The following GFRA2 variants were observed in gnomAD, a reference collection of about 807,000 sequenced individuals.
GFRA2 encodes GDNF family receptor alpha 2.
In GFRA2, 17 loss-of-function variants were observed where a neutral mutation model predicts 48.3. That is an observed-to-expected ratio of 0.35 (90% CI 0.24 to 0.53). The LOEUF is 0.53. Among genes scored for constraint, GFRA2 ranks in the 20% least tolerant of loss-of-function variants. The pLI is 0.93. For synonymous variants in GFRA2, 305 were observed against 257.2 expected (o/e 1.19, Z -1.78); for missense variants, 660 against 637.3 (o/e 1.04, Z -0.38).
intron 4 of GFRA2, among the ~76,000 whole-genome samples, chr8:21,725,965 G>A (rs1803850351): frequency 6.6e-6 from 1 of 152,226 alleles, no homozygotes; most frequent in African/African-American, 2.4e-5. Context: ...TGAACGCTGT[G>A]GCTCTCTCCT....
chr8:21,711,726 C>A (rs550691967), intron 4 of GFRA2, among the ~76,000 whole-genome samples: 217 of 139,554 alleles, frequency 1.6e-3, no homozygotes, highest in African/African-American at 6.1e-3. Flanking sequence ...GTGTTTCTCG[C>A]AGAGGGGGAT....
At chr8:21,723,043 AC>A (rs922510785) in intron 4 of GFRA2, among the ~76,000 whole-genome samples, 3 of 152,044 alleles carry the variant, frequency 2.0e-5, no homozygotes, top group African/African-American at 7.2e-5. Context: ...CCGTCTCAAA[AC>A]CTCTGCTGTA....
chr8:21,694,305 C>T (rs1201350008), intron 8 of GFRA2, among the ~76,000 whole-genome samples, 159 bp downstream of exon 8: 1 of 151,832 alleles, frequency 6.6e-6, no homozygotes, highest in East Asian at 1.9e-4. Flanking sequence ...ACTCCCCCAC[C>T]CCACCCCAGC....
At chr8:21,732,458 G>A (rs1178404216) in intron 4 of GFRA2, among the ~76,000 whole-genome samples, 1 of 152,226 alleles carries the variant, frequency 6.6e-6, no homozygotes, top group Non-Finnish European at 1.5e-5. Context: ...TGCGGAGAGG[G>A]GAGGGGGGTA....
intron 4 of GFRA2, among the ~76,000 whole-genome samples, chr8:21,745,549 C>G (rs979408901): frequency 1.8e-4 from 27 of 152,228 alleles, no homozygotes; most frequent in Admixed American, 1.4e-3. Context: ...TTGGGCTCTC[C>G]CATTTTCAGA....
intron 2 of GFRA2, among the ~76,000 whole-genome samples, chr8:21,775,388 G>A (rs1379061143): frequency 6.6e-6 from 1 of 152,208 alleles, no homozygotes; most frequent in Admixed American, 6.5e-5. Context: ...GGGAAGTGGA[G>A]CAATGCTGGC....
chr8:21,725,907 C>G (rs1333802187), intron 4 of GFRA2, among the ~76,000 whole-genome samples: 7 of 152,188 alleles, frequency 4.6e-5, no homozygotes, highest in Non-Finnish European at 8.8e-5. Flanking sequence ...AGCAAGACCC[C>G]AGGATGGGGG....
intron 4 of GFRA2, among the ~76,000 whole-genome samples, chr8:21,724,358 G>A (rs2117459768): frequency 6.6e-6 from 1 of 152,286 alleles, no homozygotes; most frequent in Admixed American, 6.5e-5. Context: ...GTTGAGAAGA[G>A]CAAGCAGATT....
intron 4 of GFRA2, among the ~76,000 whole-genome samples, chr8:21,707,974 T>C (rs184595397): frequency 4.3e-4 from 66 of 152,320 alleles, no homozygotes; most frequent in Non-Finnish European, 7.8e-4. Flanking sequence ...ATTTTATAGA[T>C]GAAGAAGCTG....
At chr8:21,775,334 C>T (rs757014725) in intron 2 of GFRA2, among the ~76,000 whole-genome samples, 1 of 152,344 alleles carries the variant, frequency 6.6e-6, no homozygotes, top group East Asian at 1.9e-4. Context: ...TCGTGACCAC[C>T]CTGCATGGCC....
chr8:21,712,670 G>A (rs1179862958), intron 4 of GFRA2, among the ~76,000 whole-genome samples: 1 of 152,170 alleles, frequency 6.6e-6, no homozygotes, highest in Non-Finnish European at 1.5e-5. Flanking sequence ...GGGAGGTGGA[G>A]GTTGTAGTGA....
Position 21,772,834 on chromosome 8 carries a change from C to A in GFRA2, c.439+2138G>T, listed in dbSNP as rs200466277. On this transcript the variant is annotated intron_variant, in intron 3 of 8. Transcript: ENST00000524240. ...ATTTTCTGCTAGGAAGATACTTAAG[C>A]ATGAGTCCAGGGAGCAGAAGGGGCT... 2.6e-3 allele frequency among the ~76,000 whole-genome samples: 400 copies of A among 152,332 alleles called. 21 individuals are homozygous for A. In the East Asian group the frequency reaches 0.071, roughly 27 times the overall value.
intron 4 of GFRA2, among the ~76,000 whole-genome samples, chr8:21,714,442 G>A (rs568330444): frequency 2.8e-4 from 43 of 151,798 alleles, no homozygotes; most frequent in African/African-American, 1.0e-3. Flanking sequence ...AGTAGAGATA[G>A]GGTTTCGCCA....
rs545281621 is a variant in GFRA2, at chr8:21,762,610, T to G, written c.440-11668A>C. On this transcript the variant is annotated intron_variant, in intron 3 of 8. Coordinates refer to ENST00000524240, the MANE Select transcript of GFRA2 (RefSeq NM_001495.5). ...CACTGAACATCAATTTGAAATAAAA[T>G]CAATTTGGAACCTTTCAAATTGCAT... Among the ~76,000 whole-genome samples, 17 of 152,312 alleles carry G rather than the reference T, an allele frequency of 1.1e-4. No homozygotes were observed. The East Asian group carries it at 2.9e-3, about 26-fold the overall frequency.
intron 1 of GFRA2, among the ~76,000 whole-genome samples, chr8:21,807,239 C>T (rs1186456480): frequency 1.3e-5 from 2 of 152,158 alleles, no homozygotes; most frequent in Non-Finnish European, 2.9e-5. Context: ...AGACAGTGGG[C>T]TCATTACTGC....
At chr8:21,748,016 C>T (rs1171341226) in intron 4 of GFRA2, among the ~76,000 whole-genome samples, 1 of 152,144 alleles carries the variant, frequency 6.6e-6, no homozygotes, top group East Asian at 1.9e-4. Context: ...TCGCTCCAAG[C>T]CTTATCACTT....
At position 21,804,045 on chromosome 8, in the gene GFRA2, A is replaced by G. The variant is rs964558222; in HGVS notation, c.-36+972T>C. On this transcript the variant is annotated intron_variant, in intron 2 of 10. Coordinates refer to the GFRA2 transcript ENST00000517328. The stretch of plus-strand genomic sequence containing the variant: ...TGATATATGAAGATAATAAAGAACA[A>G]GTCAAAGGTTCTTCATATTCTTCAA... Among the ~76,000 whole-genome samples, 497 of 152,348 alleles carry G rather than the reference A, an allele frequency of 3.3e-3. 4 individuals carry two copies. The highest frequency in any genetic ancestry group is 0.012 in the African/African-American group (479 of 41,572).
chr8:21,776,191 C>T (rs1806697956), intron 2 of GFRA2, among the ~76,000 whole-genome samples: 1 of 152,080 alleles, frequency 6.6e-6, no homozygotes, highest in Non-Finnish European at 1.5e-5. Context: ...GGAAGAGGGG[C>T]TTTGCAACCC....
intron 2 of GFRA2, among the ~76,000 whole-genome samples, chr8:21,776,434 C>T (rs1362870939): frequency 6.6e-6 from 1 of 151,484 alleles, no homozygotes; most frequent in East Asian, 1.9e-4. Flanking sequence ...AGGTGCCCAG[C>T]TGGAATTTGA....
Sources: gnomAD v4.1 joint callset for allele counts (sites outside exome capture counted in the v4.1 genomes callset) on GRCh38, gnomAD v4.1.1 for gene constraint, MANE v1.5 for transcripts, NCBI Gene and HGNC (gene_info 2026-07-23, HGNC 2026-07-21) for gene names.